Variants in GRIK2 observed in about 807,000 individuals in gnomAD.
GRIK2 encodes the protein glutamate ionotropic receptor kainate type subunit 2, also known as glutamate receptor ionotropic, kainate 2.
In GRIK2, 32 loss-of-function variants were observed where a neutral mutation model predicts 100.3. That is an observed-to-expected ratio of 0.32 (90% CI 0.24 to 0.43). The LOEUF is 0.43. Ranked by LOEUF, GRIK2 falls within the 20% of genes least tolerant of loss-of-function variation. GRIK2 has a pLI of 1.00. For missense variants in GRIK2, 843 were observed against 1,114.9 expected (o/e 0.76, Z 3.47); for synonymous variants, 417 against 389.4 (o/e 1.07, Z -0.83).
At chr6:101,413,833 T>C (rs1365468727) in intron 2 of GRIK2, among the ~76,000 whole-genome samples, 1 of 152,056 alleles carries the variant, frequency 6.6e-6, no homozygotes, top group Non-Finnish European at 1.5e-5. Context: ...ACTATTATAT[T>C]TTCAAGTCTT....
At chr6:101,426,619 A>G (rs1776716391) in intron 2 of GRIK2, among the ~76,000 whole-genome samples, 1 of 152,172 alleles carries the variant, frequency 6.6e-6, no homozygotes, top group Non-Finnish European at 1.5e-5. Context: ...AGTATCAAAT[A>G]TTAAAAAGTT....
At chr6:101,767,007 C>G (rs762291501) in intron 7 of GRIK2, among the ~76,000 whole-genome samples, 2 of 152,118 alleles carry the variant, frequency 1.3e-5, no homozygotes, top group African/African-American at 2.4e-5. Flanking sequence ...ACCTAGCAAT[C>G]TTGGTGCCTA....
At chr6:102,059,082 A>G (rs1771614179) in intron 16 of GRIK2, among the ~76,000 whole-genome samples, 1 of 151,300 alleles carries the variant, frequency 6.6e-6, no homozygotes, top group African/African-American at 2.4e-5. Flanking sequence ...AGGCTTTCTC[A>G]TAAGTTGTTG....
In GRIK2 at chr6:102,067,507, C is replaced by A. The variant is rs182530803; in HGVS notation, c.2563-840C>A. Among the ~76,000 whole-genome samples, 40 of 151,768 alleles carry A rather than the reference C, an allele frequency of 2.6e-4. No homozygotes were observed. The East Asian group carries it at 3.9e-3, about 15-fold the overall frequency. On this transcript the variant is annotated intron_variant, in intron 16 of 16. Coordinates refer to ENST00000369134, the MANE Select transcript of GRIK2 (RefSeq NM_021956.5). ...TATCTCAATCAGTTGGGGAGAGACA[C>A]TAACAAAATTTTGTTTCATATATAT...
chr6:101,594,280 C>T (rs202237531), intron 2 of GRIK2, among the ~76,000 whole-genome samples: 9 of 151,666 alleles, frequency 5.9e-5, no homozygotes, highest in South Asian at 2.1e-4. Context: ...AGATGATCTC[C>T]GAATTTTCTT....
intron 7 of GRIK2, among the ~76,000 whole-genome samples, chr6:101,711,257 A>G (rs1022560395): frequency 1.3e-5 from 2 of 151,876 alleles, no homozygotes; most frequent in Admixed American, 6.6e-5. Context: ...AAACAAATGC[A>G]ATGTAATGAT....
At chr6:101,647,233 G>A (rs1781572611) in intron 4 of GRIK2, among the ~76,000 whole-genome samples, 1 of 151,974 alleles carries the variant, frequency 6.6e-6, no homozygotes, top group East Asian at 1.9e-4. Flanking sequence ...AAAACAGAAA[G>A]AAACAAGCTT....
At position 101,759,960 on chromosome 6, in the gene GRIK2, C is replaced by CAAGCT. The variant is rs1335985502; in HGVS notation, c.952-39688_952-39687insAAGCT. Among the ~76,000 whole-genome samples, 16 of 125,128 alleles carry CAAGCT rather than the reference C, an allele frequency of 1.3e-4. No individual in the cohort carries two copies. In the East Asian group the frequency reaches 1.3e-3, roughly 10 times the overall value. 82.1% of individuals were successfully genotyped at this position (125,128 alleles called of 152,430 possible). On this transcript the variant is annotated intron_variant, in intron 7 of 16. Transcript: ENST00000369134. ...GCAGTGGCGCAATCTCGGCTCACTT[C>CAAGCT]CCGGGTTCACGCCATTCTCCTGCCT...
intron 14 of GRIK2, among the ~76,000 whole-genome samples, chr6:101,929,112 G>A (rs1311526090): frequency 6.6e-6 from 1 of 152,102 alleles, no homozygotes; most frequent in African/African-American, 2.4e-5. Context: ...GTTCACCAAG[G>A]TAATAGTCTG....
intron 2 of GRIK2, among the ~76,000 whole-genome samples, chr6:101,473,722 A>G (rs1772075195): frequency 6.6e-6 from 1 of 151,886 alleles, no homozygotes; most frequent in East Asian, 1.9e-4. Context: ...TTTTCAACGT[A>G]CTGGGTGCCC....
intron 7 of GRIK2, among the ~76,000 whole-genome samples, chr6:101,782,498 A>G (rs750145629): frequency 6.6e-6 from 1 of 151,848 alleles, no homozygotes; most frequent in Non-Finnish European, 1.5e-5. Context: ...TACCATAATG[A>G]CCTCCAATTC....
chr6:101,799,090 A>G lies in GRIK2; in HGVS notation c.952-558A>G, dbSNP rs145971947. Among the ~76,000 whole-genome samples, 318 of 152,276 alleles carry G rather than the reference A, an allele frequency of 2.1e-3. 1 individual carries two copies. The highest frequency in any genetic ancestry group is 7.4e-3 in the African/African-American group (309 of 41,588). The stretch of plus-strand genomic sequence containing the variant: ...CTGAGATTGAAACTTTTGAAAATTT[A>G]AGTTGAAGAAAAAGATCAGGGTTTA... On this transcript the variant is annotated intron_variant, in intron 7 of 16. Coordinates refer to ENST00000369134, the MANE Select transcript of GRIK2 (RefSeq NM_021956.5).
At chr6:102,042,355 T>C (rs1247454393) in intron 15 of GRIK2, among the ~76,000 whole-genome samples, 1 of 151,476 alleles carries the variant, frequency 6.6e-6, no homozygotes, top group African/African-American at 2.4e-5. Flanking sequence ...ATAATGAACA[T>C]AAAATATAAA....
Position 102,035,490 on chromosome 6 carries a change from T to C in GRIK2, c.2235T>C (p.Val745=), listed in dbSNP as rs762618740. 1.2e-6 allele frequency: 2 copies of C among 1,610,156 alleles called. No individual in the cohort carries two copies. Among genetic ancestry groups the C allele is most frequent in the Non-Finnish European group, 1.7e-6 (2 of 1,177,294 alleles). ...TGGAGTCAACAACCATCGAGTTTGT[T>C]ACCCAGCGGAACTGTAACCTGACAC... is the stretch of plus-strand genomic sequence containing the variant. ...FLMESTTIEF[V]TQRNCNLTQI... is the part of the protein sequence containing the mutation. Residue 745 remains valine, a synonymous_variant, in exon 15 of 17, where the codon GTT becomes GTC. Transcript: ENST00000369134.
intron 16 of GRIK2, among the ~76,000 whole-genome samples, chr6:102,063,356 G>T (rs1451743197): frequency 6.6e-6 from 1 of 150,662 alleles, no homozygotes; most frequent in African/African-American, 2.4e-5. Context: ...ATGCAGGCTT[G>T]AAAGTAACAT....
chr6:101,795,405 G>C (rs1780227524), intron 7 of GRIK2, among the ~76,000 whole-genome samples: 1 of 152,132 alleles, frequency 6.6e-6, no homozygotes, highest in South Asian at 2.1e-4. Context: ...GTTCAGTCCT[G>C]AGGCCCAGTG....
At chr6:102,049,908 T>C (rs1771082968) in intron 15 of GRIK2, among the ~76,000 whole-genome samples, 1 of 152,158 alleles carries the variant, frequency 6.6e-6, no homozygotes, top group Non-Finnish European at 1.5e-5. Context: ...TTTCAGTATA[T>C]ATTTTTAAAT....
At chr6:101,713,762 T>C (rs1438984420) in intron 7 of GRIK2, among the ~76,000 whole-genome samples, 2 of 151,796 alleles carry the variant, frequency 1.3e-5, no homozygotes, top group African/African-American at 4.8e-5. Context: ...ATTACATTTG[T>C]GACAGAAAGG....
chr6:101,897,232 T>C (rs1252847476), intron 12 of GRIK2, among the ~76,000 whole-genome samples: 1 of 151,826 alleles, frequency 6.6e-6, no homozygotes, highest in Non-Finnish European at 1.5e-5. Flanking sequence ...TCTTTTTTTC[T>C]TTTTCCTTTC....
Sources: gnomAD v4.1 joint callset for allele counts (sites outside exome capture counted in the v4.1 genomes callset) on GRCh38, gnomAD v4.1.1 for gene constraint, MANE v1.5 for transcripts, NCBI Gene and HGNC (gene_info 2026-07-23, HGNC 2026-07-21) for gene names.